Variants in MPDZ observed in about 807,000 individuals in gnomAD.
MPDZ encodes the protein multiple PDZ domain protein.
MPDZ carries 234 observed loss-of-function variants against 239.1 expected under a neutral mutation model. The ratio of observed to expected loss-of-function variants is 0.98; its 90% CI spans 0.88 to 1.09. MPDZ has a LOEUF of 1.09. Ranked by LOEUF, MPDZ falls within the 50% of genes least tolerant of loss-of-function variation. MPDZ has a pLI of 0.00. For synonymous variants in MPDZ, 1,048 were observed against 881.3 expected, an observed-to-expected ratio of 1.19 and a Z score of -3.35; for missense variants, 3,175 against 2,510.0, an observed-to-expected ratio of 1.26 and a Z score of -5.66.
At chr9:13,179,342 TC>T (rs1952960693) in intron 19 of MPDZ, among the ~76,000 whole-genome samples, 1 of 152,038 alleles carries the variant, frequency 6.6e-6, no homozygotes, top group African/African-American at 2.4e-5. Context: ...GTAAATCATC[TC>T]CCCCATGCCT....
chr9:13,242,497 C>T (rs1409555994), intron 3 of MPDZ, among the ~76,000 whole-genome samples: 2 of 151,410 alleles, frequency 1.3e-5, no homozygotes, highest in East Asian at 3.9e-4. Context: ...TGCATCCAGC[C>T]TGTTAGGATG....
chr9:13,111,166 G>C (rs1476175068), intron 43 of MPDZ, among the ~76,000 whole-genome samples: 1 of 152,226 alleles, frequency 6.6e-6, no homozygotes, highest in Non-Finnish European at 1.5e-5. Flanking sequence ...TGCCTGTTTT[G>C]GTTAATAAAG....
In MPDZ at chr9:13,140,124, G is replaced by A. The variant is rs916379769; in HGVS notation, c.3866C>T (p.Pro1289Leu). The A allele has an allele frequency of 2.6e-5, 42 of 1,613,234 alleles. No homozygotes were observed. The highest frequency in any genetic ancestry group is 3.1e-5 in the Non-Finnish European group (37 of 1,179,726). Residue 1289 changes from proline to leucine, a missense_variant, in exon 28 of 47, where the codon CCA (proline) becomes CTA (leucine). By Grantham distance (98) the Pro-to-Leu change is moderately conservative (BLOSUM62 -3). Coordinates refer to ENST00000319217, the MANE Select transcript of MPDZ (RefSeq NM_001378778.1). ...CACACTGCACAATGGAGCCTTCTCT[G>A]GCTCTGACTCTGACTGACTGGGTGC... ...DKAPSQSESE[P>L]EKAPLCSVPP...
intron 16 of MPDZ, 84 bp from the exon 17 acceptor site, chr9:13,189,077 G>T: frequency 8.5e-7 from 1 of 1,170,788 alleles, no homozygotes; most frequent in Non-Finnish European, 1.2e-6. Context: ...CGTAACGAAT[G>T]AGTAATTGTC....
At position 13,111,503 on chromosome 9, in the gene MPDZ, G is replaced by C. The variant is rs1942467290; in HGVS notation, c.5724+521C>G. Among the ~76,000 whole-genome samples, 4 of 152,172 alleles carry C rather than the reference G, an allele frequency of 2.6e-5. No homozygotes were observed. The South Asian group carries it at 8.3e-4, about 31-fold the overall frequency. On this transcript the variant is annotated intron_variant, in intron 43 of 46. Transcript: ENST00000319217. The stretch of plus-strand genomic sequence containing the variant: ...ATGGAATATTCATGTAATTTTTAGA[G>C]CTGGGCAGTTGGCATAAATTCCATT...
chr9:13,144,731 A>T (rs1948205095), intron 26 of MPDZ, among the ~76,000 whole-genome samples: 1 of 152,078 alleles, frequency 6.6e-6, no homozygotes, highest in African/African-American at 2.4e-5. Context: ...TTTTTCCTAC[A>T]GAGGGAAGAC....
At chr9:13,261,385 T>G (rs964080633) in intron 1 of MPDZ, among the ~76,000 whole-genome samples, 13 of 152,180 alleles carry the variant, frequency 8.5e-5, no homozygotes, top group African/African-American at 3.1e-4. Context: ...GAAGCTCTGT[T>G]TGCTCCATTT....
intron 5 of MPDZ, among the ~76,000 whole-genome samples, chr9:13,222,709 A>G (rs1307912167): frequency 6.6e-6 from 1 of 152,112 alleles, no homozygotes; most frequent in Non-Finnish European, 1.5e-5. Flanking sequence ...AGCCTACATT[A>G]CATCTTGGAT....
At chr9:13,198,059 G>A (rs1297012983) in intron 12 of MPDZ, among the ~76,000 whole-genome samples, 1 of 152,072 alleles carries the variant, frequency 6.6e-6, no homozygotes, top group Admixed American at 6.6e-5. Context: ...ATGAACATAG[G>A]GGTACGGATA....
At chr9:13,121,638 C>G in intron 38 of MPDZ, 101 bp downstream of exon 38, 1 of 1,234,436 alleles carries the variant, frequency 8.1e-7, no homozygotes, top group Non-Finnish European at 1.2e-6. Context: ...CTACTGAACA[C>G]TAGCCACTGA....
At chr9:13,244,237 C>T (rs1048320567) in intron 3 of MPDZ, among the ~76,000 whole-genome samples, 4 of 152,124 alleles carry the variant, frequency 2.6e-5, no homozygotes, top group African/African-American at 9.7e-5. Flanking sequence ...AATAAATATG[C>T]AAATCCAATA....
chr9:13,110,499 T>G, intron 44 of MPDZ, 137 bp downstream of exon 44: 1 of 686,026 alleles, frequency 1.5e-6, no homozygotes, highest in Non-Finnish European at 2.5e-6. Flanking sequence ...GAACTCTTAA[T>G]TTAATCATTT....
At position 13,264,438 on chromosome 9, in the gene MPDZ, G is replaced by A. The variant is rs553966380; in HGVS notation, c.-57-14066C>T. Among the ~76,000 whole-genome samples, 11 of 152,054 alleles carry A rather than the reference G, an allele frequency of 7.2e-5. No homozygotes were observed. The East Asian group carries it at 9.7e-4, about 13-fold the overall frequency. On this transcript the variant is annotated intron_variant, in intron 1 of 46. Transcript: ENST00000319217. The stretch of plus-strand genomic sequence containing the variant: ...AGTTAATTTTAAAGTTGAAAGGAGC[G>A]TCAAAAAACATATAGGTCAGAGAGA...
At chr9:13,214,390 G>T (rs1033304253) in intron 10 of MPDZ, among the ~76,000 whole-genome samples, 1 of 151,956 alleles carries the variant, frequency 6.6e-6, no homozygotes, top group Admixed American at 6.6e-5. Context: ...GAGACAGAAA[G>T]TAGATTGGTG....
At chr9:13,126,657 A>G (rs764319853) in intron 33 of MPDZ, 23 bp downstream of exon 33, 20 of 1,612,510 alleles carry the variant, frequency 1.2e-5, no homozygotes, top group South Asian at 4.4e-5. Flanking sequence ...CTACTTAATG[A>G]CAGCAAGAAA....
chr9:13,139,439 G>T (rs886967490), intron 28 of MPDZ, among the ~76,000 whole-genome samples: 1 of 152,098 alleles, frequency 6.6e-6, no homozygotes, highest in Non-Finnish European at 1.5e-5. Context: ...AGCACTCTTG[G>T]CACTATCTAA....
chr9:13,174,876 G>C (rs1952252647), intron 21 of MPDZ, among the ~76,000 whole-genome samples: 1 of 152,188 alleles, frequency 6.6e-6, no homozygotes, highest in African/African-American at 2.4e-5. Context: ...AAATCTTGGA[G>C]ACCAAGGCTG....
chr9:13,111,043 AT>A (rs1942374498), intron 43 of MPDZ, among the ~76,000 whole-genome samples: 1 of 152,206 alleles, frequency 6.6e-6, no homozygotes, highest in Admixed American at 6.5e-5. Flanking sequence ...AGAAAAAAAA[AT>A]TCACTATCAT....
intron 13 of MPDZ, among the ~76,000 whole-genome samples, chr9:13,193,720 C>A (rs973866071): frequency 2.0e-5 from 3 of 152,112 alleles, no homozygotes; most frequent in Non-Finnish European, 4.4e-5. Context: ...CCAGAGACAA[C>A]GGTCTTTAAA....
Sources: allele counts gnomAD v4.1 joint callset (sites outside exome capture counted in the v4.1 genomes callset), GRCh38; gene constraint gnomAD v4.1.1; transcripts MANE v1.5; gene names NCBI Gene and HGNC (gene_info 2026-07-23, HGNC 2026-07-21).